The following CUX2 variants were observed in gnomAD, a reference collection of about 807,000 sequenced individuals.
CUX2 encodes homeobox protein cut-like 2.
A neutral mutation model predicts 144.8 loss-of-function variants in CUX2; 40 were observed. The ratio of observed to expected loss-of-function variants is 0.28; its 90% CI spans 0.21 to 0.36. The LOEUF (loss-of-function observed/expected upper bound fraction) is 0.36, where lower values mean the gene tolerates loss of function less well. Ranked by LOEUF, CUX2 falls within the 10% of genes least tolerant of loss-of-function variation. The pLI is 1.00. For missense variants in CUX2, 1,615 were observed against 1,994.0 expected (o/e 0.81, Z 3.62); for synonymous variants, 827 against 875.6 (o/e 0.94, Z 0.98).
Position 111,307,183 on chromosome 12 carries a change from T to A in CUX2, c.1051-16T>A. On this transcript the variant is annotated splice_polypyrimidine_tract_variant and intron_variant, in intron 11 of 21. Transcript: ENST00000261726. The surrounding 1 kb of genome is among the most constrained non-coding windows in gnomAD (Gnocchi z 4.1). ...AGCACACAGACCAGCCTCACCATCT[T>A]TCTTTGCTCTTCTAGAAGCTGGAAG... The A allele has an allele frequency of 1.9e-6, 3 of 1,614,142 alleles. No individual in the cohort carries two copies. Among genetic ancestry groups the A allele is most frequent in the Non-Finnish European group, 2.5e-6 (3 of 1,180,022 alleles).
chr12:111,137,531 G>T (rs760508257), intron 1 of CUX2, among the ~76,000 whole-genome samples: 2 of 151,228 alleles, frequency 1.3e-5, no homozygotes, highest in Non-Finnish European at 2.9e-5. Flanking sequence ...ATTTTTTTTT[G>T]AGACAGGGTC....
At chr12:111,321,111 C>A (rs1887505854) in intron 17 of CUX2, among the ~76,000 whole-genome samples, 1 of 152,144 alleles carries the variant, frequency 6.6e-6, no homozygotes, top group Non-Finnish European at 1.5e-5. Flanking sequence ...GTGGGAAGAT[C>A]TCTTGAGCCC....
Position 111,312,139 on chromosome 12 carries a change from C to T in CUX2, c.1940C>T (p.Ser647Leu), listed in dbSNP as rs1397629871. 1 of 1,612,548 alleles carries T rather than the reference C, an allele frequency of 6.2e-7. No homozygotes were observed. Among genetic ancestry groups the T allele is most frequent in the Non-Finnish European group, 8.5e-7 (1 of 1,178,878 alleles). The change falls in exon 16 of 22, where the codon TCA (serine) becomes TTA (leucine). Residue 647 changes from serine to leucine, a missense_variant. Physicochemically the swap from Ser to Leu is moderately radical, Grantham distance 145. Transcript: ENST00000261726. The surrounding 1 kb of genome is among the most constrained non-coding windows in gnomAD (Gnocchi z 4.3). ...TPRIRTPETG[S>L]DDAIKSILEQ... The stretch of plus-strand genomic sequence containing the variant: ...AGAATCCGCACGCCTGAGACAGGCT[C>T]AGACGACGCCATCAAGAGCATTCTA...
chr12:111,320,918 G>A lies in CUX2; in HGVS notation c.2766+143G>A, dbSNP rs1413960142. ...CTGCTGTCCCTGGGTCCCGCAGGAA[G>A]GAGGGCCACTGTTCTGCTCCGTGGT... On this transcript the variant is annotated intron_variant, in intron 17 of 21. Coordinates refer to ENST00000261726, the MANE Select transcript of CUX2 (RefSeq NM_015267.4). This position sits in a 1 kb window ranked among gnomAD's most constrained non-coding sequence, Gnocchi z 8.1. The A allele has an allele frequency of 6.5e-6, 6 of 920,386 alleles. No individual in the cohort carries two copies. The highest frequency in any genetic ancestry group is 3.6e-4 in the Middle Eastern group (1 of 2,786). 57.0% of individuals were successfully genotyped at this position (920,386 alleles called of 1,614,324 possible).
rs1190961564 is a variant in CUX2 at position 111,068,063 on chromosome 12, G to T, written c.63+33823G>T. Among the ~76,000 whole-genome samples, 7 of 151,690 alleles carry T rather than the reference G, an allele frequency of 4.6e-5. No homozygotes were observed. The highest frequency in any genetic ancestry group is 1.7e-4 in the African/African-American group (7 of 41,232). On this transcript the variant is annotated intron_variant, in intron 1 of 21. Coordinates refer to ENST00000261726, the MANE Select transcript of CUX2 (RefSeq NM_015267.4). This position sits in a 1 kb window ranked among gnomAD's most constrained non-coding sequence, Gnocchi z 4.9. ...CCTAGTCCAGCAGGGAATGGCTTTT[G>T]CCCACTTTTAAAAAGTGGCCTGCAG...
chr12:111,334,219 G>T (rs1888241536), intron 18 of CUX2, among the ~76,000 whole-genome samples: 2 of 151,834 alleles, frequency 1.3e-5, no homozygotes, highest in South Asian at 4.2e-4. Flanking sequence ...AGCATCATGT[G>T]GGGAGATACT....
chr12:111,132,242 C>T lies in CUX2; in HGVS notation c.64-81958C>T, dbSNP rs543347593. ...CATGGCCCGAGCTGTACACTGGCCC[C>T]TTTCAGCCATGGCTGGAGCAGCTGG... On this transcript the variant is annotated intron_variant, in intron 1 of 21. Coordinates refer to ENST00000261726, the MANE Select transcript of CUX2 (RefSeq NM_015267.4). Among the ~76,000 whole-genome samples the T allele has an allele frequency of 2.0e-5, 3 of 152,338 alleles. No homozygotes were observed. In the South Asian group the frequency reaches 6.2e-4, roughly 32 times the overall value.
intron 1 of CUX2, among the ~76,000 whole-genome samples, chr12:111,144,029 C>T (rs1048508794): frequency 6.6e-6 from 1 of 152,200 alleles, no homozygotes; most frequent in African/African-American, 2.4e-5. Flanking sequence ...AGGCCTTCTC[C>T]AAATTCTCAG....
At chr12:111,222,794 C>T (rs1403428048) in intron 3 of CUX2, among the ~76,000 whole-genome samples, 4 of 152,158 alleles carry the variant, frequency 2.6e-5, no homozygotes, top group South Asian at 2.1e-4. Context: ...GGACTGAGAA[C>T]GTTCTCCCTC....
rs544457631 is a variant in CUX2 at position 111,161,955 on chromosome 12, C to T, written c.64-52245C>T. On this transcript the variant is annotated intron_variant, in intron 1 of 21. Transcript: ENST00000261726. The stretch of plus-strand genomic sequence containing the variant: ...ATCCCCATGTTGCCCAATGTGGTCT[C>T]GAACTCCTGGGCTCAAGCGATCCTC... Among the ~76,000 whole-genome samples the T allele has an allele frequency of 3.9e-5, 6 of 152,308 alleles. No individual in the cohort carries two copies. The East Asian group carries it at 5.8e-4, about 15-fold the overall frequency.
intron 1 of CUX2, among the ~76,000 whole-genome samples, chr12:111,204,621 G>T (rs564989452): frequency 6.6e-6 from 1 of 152,316 alleles, no homozygotes; most frequent in African/African-American, 2.4e-5. Flanking sequence ...TGTGATGTGG[G>T]ACGAGTGGCT....
At chr12:111,121,369 C>CTTTTTTTTTTTTTTTTTTTT (rs5800920) in intron 1 of CUX2, among the ~76,000 whole-genome samples, 1 of 59,048 alleles carries the variant, frequency 1.7e-5, no homozygotes, top group East Asian at 7.1e-4. Context: ...TTTCTTTTTT[C>CTTTTTTTTTTTTTTTTTTTT]TTTTTTTTTT....
chr12:111,164,206 G>A (rs1354517760), intron 1 of CUX2, among the ~76,000 whole-genome samples: 1 of 152,180 alleles, frequency 6.6e-6, no homozygotes, highest in African/African-American at 2.4e-5. Context: ...CCCTGAGGCT[G>A]AGATTAGGGC....
At chr12:111,225,056 A>G (rs1421863295) in intron 3 of CUX2, among the ~76,000 whole-genome samples, 1 of 151,980 alleles carries the variant, frequency 6.6e-6, no homozygotes, top group African/African-American at 2.4e-5. Context: ...TAGGCGCACA[A>G]CACCACACCC....
chr12:111,336,638 G>C (rs1888366935), intron 19 of CUX2, among the ~76,000 whole-genome samples: 1 of 151,732 alleles, frequency 6.6e-6, no homozygotes, highest in Non-Finnish European at 1.5e-5. Context: ...AGTAGAGACA[G>C]AGTTTCACCA....
At chr12:111,044,626 ATATTTATTTGTG>A (rs1401786117) in intron 1 of CUX2, among the ~76,000 whole-genome samples, 3 of 152,114 alleles carry the variant, frequency 2.0e-5, no homozygotes, top group Non-Finnish European at 2.9e-5. Flanking sequence ...TGATGTGATA[ATATTTATTTGTG>A]TATTTATTTG....
In CUX2 at chr12:111,287,578, G is replaced by T. The variant is rs1450424091; in HGVS notation, c.302-3840G>T. On this transcript the variant is annotated intron_variant, in intron 4 of 21. Transcript: ENST00000261726. The surrounding 1 kb of genome is among the most constrained non-coding windows in gnomAD (Gnocchi z 4.2). ...TTATAGATGAATTTTTAGCTGGCCT[G>T]CCTAATGCGCTTGCTGGGTTAATTA... Among the ~76,000 whole-genome samples, 1 of 152,246 alleles carries T rather than the reference G, an allele frequency of 6.6e-6. No homozygotes were observed. Among genetic ancestry groups the T allele is most frequent in the African/African-American group, 2.4e-5 (1 of 41,472 alleles).
At chr12:111,197,379 A>G (rs1880304163) in intron 1 of CUX2, among the ~76,000 whole-genome samples, 1 of 152,184 alleles carries the variant, frequency 6.6e-6, no homozygotes, top group Non-Finnish European at 1.5e-5. Flanking sequence ...CTCATCCGTG[A>G]AAGCTGGGAT....
chr12:111,161,235 A>G (rs1364713537), intron 1 of CUX2, among the ~76,000 whole-genome samples: 1 of 152,150 alleles, frequency 6.6e-6, no homozygotes, highest in East Asian at 1.9e-4. Context: ...CTGATGGGCA[A>G]CACCCATTAA....
Sources: gnomAD v4.1 joint callset for allele counts (sites outside exome capture counted in the v4.1 genomes callset) on GRCh38, gnomAD v4.1.1 for gene constraint, Gnocchi (gnomAD v3.1) non-coding constraint, MANE v1.5 for transcripts, NCBI Gene and HGNC (gene_info 2026-07-23, HGNC 2026-07-21) for gene names.